The following ZMAT3 variants were observed in gnomAD, a reference collection of about 807,000 sequenced individuals.
ZMAT3 encodes zinc finger matrin-type protein 3.
A neutral mutation model predicts 32.3 loss-of-function variants in ZMAT3; 17 were observed. That is an observed-to-expected ratio of 0.53 (90% CI 0.36 to 0.79). The LOEUF (loss-of-function observed/expected upper bound fraction) is 0.79. ZMAT3 is among the 30% of genes least tolerant of loss of function. ZMAT3 has a pLI of 0.00. For synonymous variants in ZMAT3, 120 were observed against 133.1 expected, an observed-to-expected ratio of 0.90 and a Z score of 0.68; for missense variants, 329 against 359.7, an observed-to-expected ratio of 0.91 and a Z score of 0.69.
At chr3:179,068,824 C>T (rs968039967) in intron 1 of ZMAT3, among the ~76,000 whole-genome samples, 1 of 152,056 alleles carries the variant, frequency 6.6e-6, no homozygotes, top group African/African-American at 2.4e-5. Flanking sequence ...TTTTTTAAGT[C>T]GAATTAGTTG....
At chr3:179,034,427 CCTT>C (rs896658913) in intron 2 of ZMAT3, among the ~76,000 whole-genome samples, 10 of 152,348 alleles carry the variant, frequency 6.6e-5, no homozygotes, top group African/African-American at 1.7e-4. Context: ...CATCTATACT[CCTT>C]CTTCCCTCCC....
rs1011712282 is a variant in ZMAT3 at position 179,023,870 on chromosome 3, A to G, written c.*1147T>C. The G allele has an allele frequency of 1.3e-5, 2 of 148,688 alleles. No homozygotes were observed. The highest frequency in any genetic ancestry group is 2.0e-4 in the East Asian group (1 of 5,050). 9.2% of individuals were successfully genotyped at this position (148,688 alleles called of 1,614,324 possible). On this transcript the variant is annotated 3_prime_UTR_variant, in exon 6 of 6. Coordinates refer to ENST00000311417, the MANE Select transcript of ZMAT3 (RefSeq NM_022470.4). ...AGAGTAGCTGGGACTACAGGCACCC[A>G]CCACCACGCCCGGCTAATGTTTTGT...
At chr3:179,065,022 A>T (rs1171562913) in intron 2 of ZMAT3, among the ~76,000 whole-genome samples, 1 of 152,180 alleles carries the variant, frequency 6.6e-6, no homozygotes, top group Non-Finnish European at 1.5e-5. Context: ...GCTTTGCCTT[A>T]GTTGTCTGTT....
chr3:179,062,200 G>C (rs1021296113), intron 2 of ZMAT3, among the ~76,000 whole-genome samples: 3 of 152,248 alleles, frequency 2.0e-5, no homozygotes, highest in African/African-American at 7.2e-5. Context: ...CAATGGAAAG[G>C]ACCATTTCAG....
At chr3:179,031,930 C>A (rs1719225856) in intron 2 of ZMAT3, among the ~76,000 whole-genome samples, 2 of 14,100 alleles carry the variant, frequency 1.4e-4, no homozygotes, top group Non-Finnish European at 1.2e-4. Context: ...AAAAACTCTC[C>A]CTCTCCCTCC....
chr3:179,069,355 C>A (rs1055375876), intron 1 of ZMAT3, among the ~76,000 whole-genome samples: 1 of 152,064 alleles, frequency 6.6e-6, no homozygotes, highest in Non-Finnish European at 1.5e-5. Context: ...CAGATGGCGC[C>A]GTCTAACCCT....
intron 2 of ZMAT3, among the ~76,000 whole-genome samples, chr3:179,061,020 C>T (rs1385190611): frequency 6.7e-6 from 1 of 150,182 alleles, no homozygotes; most frequent in African/African-American, 2.5e-5. Context: ...AACGCAAGGG[C>T]TCAAAAAAAT....
At chr3:179,051,541 T>C (rs1720557252) in intron 2 of ZMAT3, among the ~76,000 whole-genome samples, 1 of 152,134 alleles carries the variant, frequency 6.6e-6, no homozygotes, top group Non-Finnish European at 1.5e-5. Context: ...ATGCTCATGA[T>C]GGGTAGAATC....
At chr3:179,050,270 T>A (rs1720481679) in intron 2 of ZMAT3, among the ~76,000 whole-genome samples, 1 of 151,672 alleles carries the variant, frequency 6.6e-6, no homozygotes, top group Admixed American at 6.6e-5. Context: ...CCAAATAAGC[T>A]CAATTAGAAA....
chr3:179,069,898 G>A (rs929975852), intron 1 of ZMAT3, among the ~76,000 whole-genome samples: 7 of 152,222 alleles, frequency 4.6e-5, no homozygotes, highest in African/African-American at 1.7e-4. Flanking sequence ...CATTTAAAAA[G>A]TCAGGTTCTC....
In ZMAT3 at chr3:179,024,990, AG is replaced by A. The variant is rs1017996697; in HGVS notation, c.*26del. On this transcript the variant is annotated 3_prime_UTR_variant, in exon 6 of 6. Transcript: ENST00000311417. Reference sequence around the variant, plus strand: ...CAAAAGGCAAACAACAGGCAGGAAAAGCTGCTCTATCTTAATATGATAATCA... The same window carrying A: ...CAAAAGGCAAACAACAGGCAGGAAAACTGCTCTATCTTAATATGATAATCA... The A allele has an allele frequency of 3.1e-6, 5 of 1,610,770 alleles. No homozygotes were observed. In the African/African-American group the frequency reaches 6.7e-5, roughly 22 times the overall value.
At chr3:179,041,583 G>A (rs1719930408) in intron 2 of ZMAT3, among the ~76,000 whole-genome samples, 1 of 152,240 alleles carries the variant, frequency 6.6e-6, no homozygotes, top group Admixed American at 6.5e-5. Context: ...ATTTAAAGCA[G>A]TGTGGTAGAG....
chr3:179,044,405 G>C (rs1720116863), intron 2 of ZMAT3, among the ~76,000 whole-genome samples: 2 of 152,216 alleles, frequency 1.3e-5, no homozygotes, highest in Non-Finnish European at 2.9e-5. Flanking sequence ...AGCACTTTGG[G>C]AGGTCAAGGC....
chr3:179,044,412 A>G (rs899941171), intron 2 of ZMAT3, among the ~76,000 whole-genome samples: 1 of 152,210 alleles, frequency 6.6e-6, no homozygotes, highest in African/African-American at 2.4e-5. Context: ...TGGGAGGTCA[A>G]GGCAGGAGGA....
intron 1 of ZMAT3, among the ~76,000 whole-genome samples, chr3:179,069,343 C>G (rs4955806): frequency 7.9e-5 from 12 of 152,078 alleles, no homozygotes; most frequent in South Asian, 2.1e-4. Flanking sequence ...CTGCCTCCCC[C>G]CCAGATGGCG....
intron 2 of ZMAT3, among the ~76,000 whole-genome samples, chr3:179,054,542 A>C (rs961882210): frequency 6.6e-6 from 1 of 152,236 alleles, no homozygotes; most frequent in East Asian, 1.9e-4. Context: ...TAAAATGTTA[A>C]TGTTTGAAAT....
At position 179,071,757 on chromosome 3, in the gene ZMAT3, T is replaced by G. The variant is rs1441740828; in HGVS notation, c.-220A>C. 6.5e-6 allele frequency: 1 copy of G among 152,840 alleles called. No individual in the cohort carries two copies. 9.5% of individuals were successfully genotyped at this position (152,840 alleles called of 1,614,324 possible). On this transcript the variant is annotated 5_prime_UTR_variant, in exon 1 of 6. Coordinates refer to ENST00000311417, the MANE Select transcript of ZMAT3 (RefSeq NM_022470.4). ...GCCCCCTCCGCAGCCGAAGGCTGACTGTCAAAAGTCAGTCCAACCCGACCC... is the reference window on the plus strand; with the variant it reads ...GCCCCCTCCGCAGCCGAAGGCTGACGGTCAAAAGTCAGTCCAACCCGACCC...
rs1718690251 is a variant in ZMAT3, at chr3:179,023,731, T to C, written c.*1286A>G. On this transcript the variant is annotated 3_prime_UTR_variant, in exon 6 of 6. Transcript: ENST00000311417. ...ATATATTTTTTTTTTTTTTTTTTTT[T>C]TTTTTTTGAGACGGAGTCTCGCTCT... is the stretch of plus-strand genomic sequence containing the variant. 1 of 59,792 alleles carries C rather than the reference T, an allele frequency of 1.7e-5. No homozygotes were observed. The highest frequency in any genetic ancestry group is 3.1e-5 in the Non-Finnish European group (1 of 32,764). 3.7% of individuals were successfully genotyped at this position (59,792 alleles called of 1,614,324 possible).
At chr3:179,055,211 C>T (rs551697897) in intron 2 of ZMAT3, among the ~76,000 whole-genome samples, 16 of 152,254 alleles carry the variant, frequency 1.1e-4, no homozygotes, top group African/African-American at 2.6e-4. Flanking sequence ...GACACTCAGA[C>T]GCTAAGAAAG....
Sources: gnomAD v4.1 joint callset for allele counts (sites outside exome capture counted in the v4.1 genomes callset) on GRCh38, gnomAD v4.1.1 for gene constraint, MANE v1.5 for transcripts, NCBI Gene and HGNC (gene_info 2026-07-23, HGNC 2026-07-21) for gene names.